Variants in MYO18B observed in about 807,000 individuals in gnomAD.
MYO18B encodes the protein myosin XVIIIB.
MYO18B carries 204 observed loss-of-function variants against 273.0 expected under a neutral mutation model. The ratio of observed to expected loss-of-function variants is 0.75; its 90% CI spans 0.67 to 0.84. The LOEUF is 0.84. MYO18B is among the 40% of genes least tolerant of loss of function. The pLI is 0.00. For missense variants in MYO18B, 3,212 were observed against 3,287.6 expected (o/e 0.98, Z 0.56); for synonymous variants, 1,330 against 1,305.7 (o/e 1.02, Z -0.40).
chr22:25,789,121 TCCTCTTCC>T lies in MYO18B; in HGVS notation c.2376+3631_2376+3638del, dbSNP rs2087538859. 1.5e-3 allele frequency among the ~76,000 whole-genome samples: 186 copies of T among 122,658 alleles called. 8 individuals are homozygous for T. In the South Asian group the frequency reaches 0.049, roughly 32 times the overall value. The allele number at this position is 122,658 out of a possible 152,430, so 80.5% of individuals were successfully genotyped here. On this transcript the variant is annotated intron_variant, in intron 11 of 43. Transcript: ENST00000335473. Reference sequence around the variant, plus strand: ...TTCTTCCTCCTCCTCCTCCTCCTCCTCCTCTTCCTCCTCCTCCTCCTCCTCCATCATCA... The same window carrying T: ...TTCTTCCTCCTCCTCCTCCTCCTCCTTCCTCCTCCTCCTCCTCCATCATCA...
At chr22:25,963,897 C>A (rs2092947898) in intron 39 of MYO18B, 1 of 152,072 alleles carries the variant, frequency 6.6e-6, no homozygotes, top group South Asian at 2.1e-4. Flanking sequence ...CTTTGAGTTT[C>A]TGATTTTCTC....
intron 1 of MYO18B, among the ~76,000 whole-genome samples, chr22:25,752,257 G>C (rs1377445346): frequency 6.8e-6 from 1 of 147,312 alleles, no homozygotes; most frequent in African/African-American, 2.5e-5. Flanking sequence ...GCGGGATCTC[G>C]GCTCACTGCA....
At chr22:25,886,628 C>T (rs997395376) in intron 25 of MYO18B, among the ~76,000 whole-genome samples, 7 of 152,110 alleles carry the variant, frequency 4.6e-5, no homozygotes, top group African/African-American at 1.7e-4. Flanking sequence ...TACCCACTGG[C>T]TACTTAATCT....
chr22:26,048,643 T>A, the MYO18B span, among the ~76,000 whole-genome samples: 4 of 152,206 alleles, frequency 2.6e-5, no homozygotes, highest in Non-Finnish European at 4.4e-5. Context: ...CCTACAGGAC[T>A]ATAAGCACAT....
At chr22:25,947,672 C>T (rs1230398063) in intron 35 of MYO18B, 40 bp from the exon 36 acceptor site, 3 of 1,525,440 alleles carry the variant, frequency 2.0e-6, no homozygotes, top group African/African-American at 1.4e-5. Context: ...CCATCCCTCA[C>T]CCTCTCACCT....
At chr22:25,941,092 T>C (rs1326038715) in intron 34 of MYO18B, among the ~76,000 whole-genome samples, 1 of 152,242 alleles carries the variant, frequency 6.6e-6, no homozygotes, top group African/African-American at 2.4e-5. Context: ...ATGCCATTGT[T>C]CTATTGATTT....
At chr22:25,988,130 G>A (rs980415232) in intron 39 of MYO18B, among the ~76,000 whole-genome samples, 2 of 151,844 alleles carry the variant, frequency 1.3e-5, no homozygotes, top group East Asian at 1.9e-4. Context: ...CATGAGAGGG[G>A]CACTGGCTCA....
rs1376968970 is a variant in MYO18B, at chr22:25,948,429, TC to T, written c.5748+603del. ...GTCTTTCCTTCCTTCCTTCCTTCCT[TC>T]CTTCCTTCCTTCCTTCCTTCCTTCC... On this transcript the variant is annotated intron_variant, in intron 36 of 43. Coordinates refer to ENST00000335473, the MANE Select transcript of MYO18B (RefSeq NM_032608.7). 3.6e-3 allele frequency among the ~76,000 whole-genome samples: 461 copies of T among 128,008 alleles called. 4 individuals are homozygous for T. Among genetic ancestry groups the T allele is most frequent in the African/African-American group, 0.013 (366 of 27,436 alleles). The allele number at this position is 128,008 out of a possible 152,430, so 84.0% of individuals were successfully genotyped here.
Position 25,837,380 on chromosome 22 carries a change from G to C in MYO18B, c.3208+1937G>C, listed in dbSNP as rs1357756302. 2.0e-5 allele frequency among the ~76,000 whole-genome samples: 3 copies of C among 152,200 alleles called. 1 individual carries two copies. Among genetic ancestry groups the C allele is most frequent in the Admixed American group, 1.3e-4 (2 of 15,266 alleles). On this transcript the variant is annotated intron_variant, in intron 17 of 43. Coordinates refer to ENST00000335473, the MANE Select transcript of MYO18B (RefSeq NM_032608.7). ...GCAGGAGGGAAAGCCAGGAGAATAT[G>C]ACTCCCTGGAAGCCACAGGAGGGAT...
intron 21 of MYO18B, among the ~76,000 whole-genome samples, chr22:25,857,158 A>G (rs2090596117): frequency 6.6e-6 from 1 of 152,192 alleles, no homozygotes; most frequent in Non-Finnish European, 1.5e-5. Context: ...TAGAGTGAAT[A>G]CAAGGGTGGA....
rs142364613 is a variant in MYO18B, at chr22:25,805,588, C to T, written c.2521+7491C>T. ...CCCTTCTTCCCCATCCTTTCTACCC[C>T]GATCTGTTCTCATGCCGCAGCCAGC... On this transcript the variant is annotated intron_variant, in intron 12 of 43. Coordinates refer to ENST00000335473, the MANE Select transcript of MYO18B (RefSeq NM_032608.7). Among the ~76,000 whole-genome samples the T allele has an allele frequency of 5.8e-3, 882 of 152,280 alleles. 7 individuals carry two copies. Among genetic ancestry groups the T allele is most frequent in the African/African-American group, 0.02 (843 of 41,556 alleles).
chr22:25,848,598 TG>T (rs1452803027), intron 20 of MYO18B, among the ~76,000 whole-genome samples: 1 of 152,082 alleles, frequency 6.6e-6, no homozygotes, highest in Non-Finnish European at 1.5e-5. Flanking sequence ...GGCAGGGGGA[TG>T]GGGGGATTCT....
Position 25,874,223 on chromosome 22 carries a change from A to AC in MYO18B, c.3952-56dup, listed in dbSNP as rs781354352. 3.2e-4 allele frequency: 515 copies of AC among 1,591,136 alleles called. No homozygotes were observed. The African/African-American group carries it at 4.7e-3, about 15-fold the overall frequency. Reference sequence around the variant, plus strand: ...GAGAAGTGGGGTCTGATTTGCAAGCACCCCCCCATTGTAGACAGCCTTCTT... The same window carrying AC: ...GAGAAGTGGGGTCTGATTTGCAAGCACCCCCCCCATTGTAGACAGCCTTCTT... On this transcript the variant is annotated intron_variant, in intron 22 of 43. Transcript: ENST00000335473.
chr22:25,861,528 C>T (rs975507320), intron 21 of MYO18B, among the ~76,000 whole-genome samples: 1 of 152,124 alleles, frequency 6.6e-6, no homozygotes, highest in African/African-American at 2.4e-5. Flanking sequence ...TTCCCCCTTC[C>T]AACCTATCTT....
intron 37 of MYO18B, among the ~76,000 whole-genome samples, chr22:25,951,700 T>C (rs2092794649): frequency 1.3e-5 from 2 of 152,230 alleles, no homozygotes; most frequent in African/African-American, 4.8e-5. Context: ...TTAAAGTGAC[T>C]GTTGGAGTGA....
At chr22:25,971,295 G>T (rs1211228767) in intron 39 of MYO18B, among the ~76,000 whole-genome samples, 1 of 152,256 alleles carries the variant, frequency 6.6e-6, no homozygotes, top group Admixed American at 6.5e-5. Context: ...GCAGACAGCA[G>T]AGCTGGGTTT....
intron 3 of MYO18B, among the ~76,000 whole-genome samples, chr22:25,765,565 G>A (rs922911507): frequency 1.3e-5 from 2 of 152,142 alleles, no homozygotes; most frequent in East Asian, 1.9e-4. Flanking sequence ...TGGCCCTGCC[G>A]CTTTTTGTGG....
chr22:25,802,327 T>C (rs1372685113), intron 12 of MYO18B, among the ~76,000 whole-genome samples: 1 of 152,172 alleles, frequency 6.6e-6, no homozygotes, highest in Non-Finnish European at 1.5e-5. Context: ...CCCAGCACTT[T>C]GATGTGTTGG....
In MYO18B at chr22:25,769,328, T is replaced by C; in HGVS notation, c.1412T>C (p.Leu471Pro). The C allele has an allele frequency of 6.3e-7, 1 of 1,578,074 alleles. No homozygotes were observed. Among genetic ancestry groups the C allele is most frequent in the Non-Finnish European group, 8.6e-7 (1 of 1,162,508 alleles). ...TELEGPSQPA[L>P]EKDAERPRIR... Reference sequence around the variant, plus strand: ...CTGGAAGGACCCAGCCAGCCTGCTCTGGAGAAGGATGCAGAAAGGCCTCGG... The same window carrying C: ...CTGGAAGGACCCAGCCAGCCTGCTCCGGAGAAGGATGCAGAAAGGCCTCGG... The change falls in exon 4 of 44, where the codon CTG becomes CCG. Residue 471 changes from leucine to proline, a missense_variant. Transcript: ENST00000335473.
Sources: gnomAD v4.1 joint callset for allele counts (sites outside exome capture counted in the v4.1 genomes callset) on GRCh38, gnomAD v4.1.1 for gene constraint, MANE v1.5 for transcripts, NCBI Gene and HGNC (gene_info 2026-07-23, HGNC 2026-07-21) for gene names.